Variants in SPATA6L observed in about 807,000 individuals in gnomAD.
SPATA6L encodes spermatogenesis associated 6 like, also known as spermatogenesis associated 6-like protein.
A neutral mutation model predicts 49.2 loss-of-function variants in SPATA6L; 68 were observed. The ratio of observed to expected loss-of-function variants is 1.38; its 90% CI spans 1.14 to 1.69. The LOEUF (loss-of-function observed/expected upper bound fraction) is 1.69, where lower values mean the gene tolerates loss of function less well. SPATA6L is among the 40% of genes most tolerant of loss of function. SPATA6L has a pLI of 0.00. For synonymous variants in SPATA6L, 198 were observed against 165.7 expected (o/e 1.19, Z -1.50); for missense variants, 668 against 464.3 (o/e 1.44, Z -4.03).
intron 11 of SPATA6L, among the ~76,000 whole-genome samples, chr9:4,602,440 G>A (rs778704928): frequency 6.6e-6 from 1 of 152,286 alleles, no homozygotes; most frequent in Middle Eastern, 3.4e-3. Context: ...ATTCCTCTGT[G>A]CTAAAGGTGG....
intron 10 of SPATA6L, among the ~76,000 whole-genome samples, chr9:4,604,817 C>T (rs1398174869): frequency 1.3e-5 from 2 of 152,166 alleles, no homozygotes; most frequent in Non-Finnish European, 2.9e-5. Flanking sequence ...TGCCACTTAG[C>T]TGTGTATCTG....
Position 4,662,493 on chromosome 9 carries a change from T to A in SPATA6L, c.40-457A>T. ...CGGTGGCGGCGGCAGCAGGTTTGAG[T>A]TCCAGTCCCTGCTCAGCAGCCGCGC... On this transcript the variant is annotated intron_variant, in intron 1 of 11. Coordinates refer to ENST00000682582, the MANE Select transcript of SPATA6L (RefSeq NM_001353486.2). This position sits in a 1 kb window ranked among gnomAD's most constrained non-coding sequence, Gnocchi z 4.9. The A allele has an allele frequency of 6.4e-7, 1 of 1,558,176 alleles. No individual in the cohort carries two copies. Among genetic ancestry groups the A allele is most frequent in the South Asian group, 1.2e-5 (1 of 85,702 alleles).
intron 3 of SPATA6L, among the ~76,000 whole-genome samples, chr9:4,648,643 T>G (rs1283502126): frequency 1.3e-5 from 2 of 151,586 alleles, no homozygotes; most frequent in Non-Finnish European, 2.9e-5. Flanking sequence ...GAGCTTGCAG[T>G]GAGCCGAGAT....
intron 9 of SPATA6L, among the ~76,000 whole-genome samples, chr9:4,612,353 C>A (rs536532155): frequency 6.6e-6 from 1 of 152,152 alleles, no homozygotes; most frequent in Non-Finnish European, 1.5e-5. Flanking sequence ...CCAAACTGAA[C>A]CATAGGTTTG....
downstream of SPATA6L, among the ~76,000 whole-genome samples, chr9:4,597,813 G>A (rs917363208): frequency 1.3e-5 from 2 of 152,136 alleles, no homozygotes; most frequent in Non-Finnish European, 2.9e-5. Flanking sequence ...AGTCCCATCC[G>A]GTGGTACTAG....
downstream of SPATA6L, among the ~76,000 whole-genome samples, chr9:4,595,490 G>A (rs113620482): frequency 9.3e-3 from 1,416 of 152,170 alleles, 11 homozygotes; most frequent in Admixed American, 0.015. Context: ...AAACTCTAAC[G>A]GCTTCTTATT....
intron 6 of SPATA6L, among the ~76,000 whole-genome samples, chr9:4,623,212 G>A (rs917614870): frequency 2.0e-5 from 3 of 152,086 alleles, no homozygotes; most frequent in African/African-American, 2.4e-5. Flanking sequence ...CCCGGGAGGC[G>A]AAGATTGCGG....
In SPATA6L at chr9:4,617,968, T is replaced by A. The variant is rs199814978; in HGVS notation, c.950A>T (p.His317Leu). Residue 317 changes from histidine to leucine, a missense_variant, in exon 9 of 12, where the codon CAT (histidine) becomes CTT (leucine). Transcript: ENST00000682582. ...ATCCAAGGGGCCAGGAGAGGTGGAA[T>A]GCTGGTAGGTGGCAAATGAAGCTTT... ...HGKASFATYQHSTSPGPLDQP... is the reference protein window; with the variant it reads ...HGKASFATYQLSTSPGPLDQP... The A allele has an allele frequency of 5.0e-6, 8 of 1,613,972 alleles. No individual in the cohort carries two copies. The highest frequency in any genetic ancestry group is 6.8e-6 in the Non-Finnish European group (8 of 1,179,960).
chr9:4,646,968 T>C (rs1835524708), intron 3 of SPATA6L, among the ~76,000 whole-genome samples: 1 of 152,012 alleles, frequency 6.6e-6, no homozygotes, highest in African/African-American at 2.4e-5. Flanking sequence ...AACTATTGGA[T>C]ACTAGACTTA....
intron 5 of SPATA6L, chr9:4,627,995 G>C: frequency 2.7e-6 from 1 of 367,114 alleles, no homozygotes; most frequent in African/African-American, 2.2e-5. Context: ...AAATAAGCCA[G>C]GCACAGAAAG....
At chr9:4,640,693 T>A (rs1277800771) in intron 3 of SPATA6L, among the ~76,000 whole-genome samples, 1 of 147,724 alleles carries the variant, frequency 6.8e-6, no homozygotes, top group Non-Finnish European at 1.5e-5. Context: ...ATGTGCAAAG[T>A]ATGCCTGTAA....
intron 4 of SPATA6L, among the ~76,000 whole-genome samples, chr9:4,632,220 G>A (rs1831747139): frequency 6.6e-6 from 1 of 150,886 alleles, no homozygotes; most frequent in African/African-American, 2.4e-5. Context: ...AGGTTTCACT[G>A]TGCTGGCCAG....
intron 3 of SPATA6L, among the ~76,000 whole-genome samples, chr9:4,641,363 G>A (rs1242750023): frequency 1.3e-5 from 2 of 151,694 alleles, no homozygotes; most frequent in African/African-American, 2.4e-5. Flanking sequence ...GTGTAGTTGC[G>A]GTGAGTTGGT....
chr9:4,605,928 C>G (rs1296149736), intron 9 of SPATA6L, among the ~76,000 whole-genome samples: 3 of 152,190 alleles, frequency 2.0e-5, no homozygotes, highest in East Asian at 1.9e-4. Flanking sequence ...GAGTGCCAGA[C>G]AGTGGGCGCA....
At chr9:4,638,305 G>A (rs1833237116) in intron 3 of SPATA6L, among the ~76,000 whole-genome samples, 1 of 152,010 alleles carries the variant, frequency 6.6e-6, no homozygotes, top group Non-Finnish European at 1.5e-5. Flanking sequence ...TCTGCCTCCT[G>A]GGTTCAAGTG....
chr9:4,629,215 C>A (rs771964349), intron 4 of SPATA6L, 47 bp from the exon 5 acceptor site: 2 of 1,305,110 alleles, frequency 1.5e-6, no homozygotes, highest in Non-Finnish European at 2.2e-6. Flanking sequence ...AGAAACAGTT[C>A]TTTAGCCATC....
At chr9:4,625,110 C>A in intron 6 of SPATA6L, 1 of 723,524 alleles carries the variant, frequency 1.4e-6, no homozygotes, top group South Asian at 3.1e-5. Flanking sequence ...GGATGGCTGA[C>A]ATTTACTGAG....
intron 3 of SPATA6L, among the ~76,000 whole-genome samples, chr9:4,636,902 C>T (rs978837853): frequency 4.6e-5 from 7 of 152,196 alleles, no homozygotes; most frequent in South Asian, 2.1e-4. Context: ...TTCCACCATG[C>T]ATGCTCTCCT....
At position 4,635,128 on chromosome 9, in the gene SPATA6L, A is replaced by T. The variant is rs1587278472; in HGVS notation, c.351+147T>A. The T allele has an allele frequency of 4.3e-6, 3 of 703,026 alleles. No homozygotes were observed. In the South Asian group the frequency reaches 1.4e-4, roughly 33 times the overall value. 43.5% of individuals were successfully genotyped at this position (703,026 alleles called of 1,614,324 possible). A position where few individuals can be genotyped will look rare whatever the true frequency, so the allele number is the denominator to read the frequency against. On this transcript the variant is annotated intron_variant, in intron 4 of 11. Coordinates refer to ENST00000682582, the MANE Select transcript of SPATA6L (RefSeq NM_001353486.2). The stretch of plus-strand genomic sequence containing the variant: ...ATACTGGAAATCAGTATAATTTGGT[A>T]CCTTGAGTTGGGCATCAAAACAGAG...
Sources: gnomAD v4.1 joint callset for allele counts (sites outside exome capture counted in the v4.1 genomes callset) on GRCh38, gnomAD v4.1.1 for gene constraint, Gnocchi (gnomAD v3.1) non-coding constraint, MANE v1.5 for transcripts, NCBI Gene and HGNC (gene_info 2026-07-23, HGNC 2026-07-21) for gene names.